RAB30: variants seen among roughly 807,000 people sequenced by gnomAD.
The protein encoded by RAB30 is RAB30, member RAS oncogene family.
Under a neutral mutation model 25.1 loss-of-function variants are expected in RAB30, and 9 were observed. The ratio of observed to expected loss-of-function variants is 0.36; its 90% confidence interval spans 0.22 to 0.63. The LOEUF (loss-of-function observed/expected upper bound fraction) is 0.63. Among genes scored for constraint, RAB30 ranks in the 20% least tolerant of loss-of-function variants. The probability of loss-of-function intolerance (pLI) is 0.69; values close to 1 mark genes in which losing one functional copy is unlikely to be tolerated. For synonymous variants in RAB30, 77 were observed against 86.4 expected, an observed-to-expected ratio of 0.89 and a Z score of 0.60; for missense variants, 140 against 243.5, an observed-to-expected ratio of 0.58 and a Z score of 2.83.
chr11:83,028,429 A>C (rs1235944993), intron 1 of RAB30, among the ~76,000 whole-genome samples: 1 of 152,170 alleles, frequency 6.6e-6, no homozygotes, highest in African/African-American at 2.4e-5. Flanking sequence ...AATATATTCA[A>C]TAAAATTTCA....
chr11:82,983,671 C>T (rs900360061), intron 4 of RAB30, among the ~76,000 whole-genome samples: 1 of 151,868 alleles, frequency 6.6e-6, no homozygotes, highest in African/African-American at 2.4e-5. Context: ...TGAGCTTAAG[C>T]GATCCACCTG....
intron 1 of RAB30, among the ~76,000 whole-genome samples, chr11:83,001,820 C>T (rs7120788): frequency 0.016 from 2,481 of 152,212 alleles, 82 homozygotes; most frequent in African/African-American, 0.057. Flanking sequence ...GGAGTAGACA[C>T]GCCACAAGAT....
At position 82,988,788 on chromosome 11, in the gene RAB30, T is replaced by C. The variant is rs971653361; in HGVS notation, c.178-1018A>G. ...CAACAAAAACAATAATCTTTCCTTC[T>C]AATTGCACGAATTTCACAGGTCACA... On this transcript the variant is annotated intron_variant, in intron 3 of 4. Coordinates refer to ENST00000527633, the MANE Select transcript of RAB30 (RefSeq NM_001286060.2). 5.1e-4 allele frequency among the ~76,000 whole-genome samples: 78 copies of C among 152,160 alleles called. 1 individual carries two copies. Among genetic ancestry groups the C allele is most frequent in the Non-Finnish European group, 1.1e-3 (72 of 68,024 alleles).
chr11:82,988,177 T>C (rs993642494), intron 3 of RAB30, among the ~76,000 whole-genome samples: 1 of 152,222 alleles, frequency 6.6e-6, no homozygotes, highest in Non-Finnish European at 1.5e-5. Flanking sequence ...TACCCATTTC[T>C]TGCATGAATA....
At chr11:83,022,773 CT>C (rs1380825822) in intron 1 of RAB30, among the ~76,000 whole-genome samples, 1 of 152,026 alleles carries the variant, frequency 6.6e-6, no homozygotes, top group African/African-American at 2.4e-5. Flanking sequence ...AAAATACCCC[CT>C]GGTCACAACT....
intron 4 of RAB30, among the ~76,000 whole-genome samples, chr11:82,984,488 C>G (rs138654626): frequency 2.0e-5 from 3 of 152,070 alleles, no homozygotes; most frequent in Non-Finnish European, 4.4e-5. Flanking sequence ...AGAGGGTTGC[C>G]GGATGCTGAT....
rs1483443417 is a variant in RAB30, at chr11:82,977,337, G to T, written c.*4828C>A. On this transcript the variant is annotated 3_prime_UTR_variant, in exon 5 of 5. Coordinates refer to ENST00000527633, the MANE Select transcript of RAB30 (RefSeq NM_001286060.2). ...ATAAAGGTGGGATGCACTTGTGGCA[G>T]AAGAACGAGGCCCCATTAAAAAAAT... 15 of 152,174 alleles carry T rather than the reference G, an allele frequency of 9.9e-5. No homozygotes were observed. Among genetic ancestry groups the T allele is most frequent in the Admixed American group, 9.2e-4 (14 of 15,270 alleles). The allele number at this position is 152,174 out of a possible 1,614,324, so 9.4% of individuals were successfully genotyped here. A position where few individuals can be genotyped will look rare whatever the true frequency, so the allele number is the denominator to read the frequency against.
intron 3 of RAB30, among the ~76,000 whole-genome samples, chr11:82,989,487 C>T (rs1052745305): frequency 6.6e-6 from 1 of 151,840 alleles, no homozygotes; most frequent in Non-Finnish European, 1.5e-5. Flanking sequence ...ACAGATGTTA[C>T]GGTTTTTGCT....
At position 83,007,136 on chromosome 11, in the gene RAB30, A is replaced by T. The variant is rs566745879; in HGVS notation, c.-8-9812T>A. On this transcript the variant is annotated intron_variant, in intron 1 of 4. Transcript: ENST00000527633. Reference sequence around the variant, plus strand: ...GCCTCAGGCCACGCAGCATGTAAGCAACAGAGCCAGAAGAGCAAACACAGG... The same window carrying T: ...GCCTCAGGCCACGCAGCATGTAAGCTACAGAGCCAGAAGAGCAAACACAGG... Among the ~76,000 whole-genome samples, 5 of 152,346 alleles carry T rather than the reference A, an allele frequency of 3.3e-5. No individual in the cohort carries two copies. The South Asian group carries it at 8.3e-4, about 25-fold the overall frequency.
rs117784105 is a variant in RAB30, at chr11:83,045,349, T to C, written c.-9+26342A>G. On this transcript the variant is annotated intron_variant, in intron 1 of 4. Transcript: ENST00000527633. Reference sequence around the variant, plus strand: ...TCTTGCCATCTTGCCCAAGCTGGTCTCGAACTCCTGAGCTAAAACGACCCT... The same window carrying C: ...TCTTGCCATCTTGCCCAAGCTGGTCCCGAACTCCTGAGCTAAAACGACCCT... Among the ~76,000 whole-genome samples, 1,294 of 152,252 alleles carry C rather than the reference T, an allele frequency of 8.5e-3. 33 individuals are homozygous for C. The East Asian group carries it at 0.096, about 11-fold the overall frequency.
At chr11:83,008,045 C>T (rs1857223280) in intron 1 of RAB30, among the ~76,000 whole-genome samples, 1 of 152,188 alleles carries the variant, frequency 6.6e-6, no homozygotes, top group African/African-American at 2.4e-5. Context: ...AATCAGGGAC[C>T]GTGTCTAATC....
At chr11:83,035,258 C>A (rs1857962474) in intron 1 of RAB30, 1 of 152,138 alleles carries the variant, frequency 6.6e-6, no homozygotes, top group Non-Finnish European at 1.5e-5. Flanking sequence ...CCTAGATCAT[C>A]ATGCCAAGCA....
intron 1 of RAB30, among the ~76,000 whole-genome samples, chr11:83,008,662 C>T (rs750540253): frequency 6.6e-6 from 1 of 152,088 alleles, no homozygotes. Context: ...CAAATTTTCC[C>T]TCAGCAGGGA....
chr11:83,068,063 G>A (rs978250105), intron 1 of RAB30, among the ~76,000 whole-genome samples: 6 of 150,636 alleles, frequency 4.0e-5, no homozygotes, highest in African/African-American at 1.5e-4. Flanking sequence ...GATGGAGGCT[G>A]CAGTGAGCTG....
At chr11:82,987,938 T>C (rs1292925319) in intron 3 of RAB30, among the ~76,000 whole-genome samples, 168 bp from the exon 4 acceptor site, 1 of 98,950 alleles carries the variant, frequency 1.0e-5, no homozygotes, top group Non-Finnish European at 2.0e-5. Flanking sequence ...AAAAAAGCAC[T>C]GAAAATTAAA....
chr11:83,034,323 GCTGCTAAGTCCAACTGCGGTTCAGGC>G (rs1381742070), intron 1 of RAB30: 1 of 152,182 alleles, frequency 6.6e-6, no homozygotes, highest in African/African-American at 2.4e-5. Flanking sequence ...AAAACCCCTG[GCTGCTAAGTCCAACTGCGGTTCAGGC>G]CTGCCAGCCC....
rs755524756 is a variant in RAB30 at position 83,040,034 on chromosome 11, T to C, written c.-9+31657A>G. 3.3e-5 allele frequency among the ~76,000 whole-genome samples: 5 copies of C among 151,758 alleles called. No homozygotes were observed. The East Asian group carries it at 7.7e-4, about 24-fold the overall frequency. On this transcript the variant is annotated intron_variant, in intron 1 of 4. Coordinates refer to ENST00000527633, the MANE Select transcript of RAB30 (RefSeq NM_001286060.2). ...CAAGACTGTTAATAAGAGTATAAGG[T>C]GAGGAGCAGGAGCCAAAAGAAAAGG...
chr11:83,069,590 G>T (rs1278154328), intron 1 of RAB30, among the ~76,000 whole-genome samples: 4 of 151,928 alleles, frequency 2.6e-5, no homozygotes, highest in African/African-American at 4.8e-5. Context: ...AAAGAGGGGG[G>T]AAAGATCAGC....
At chr11:82,998,842 G>A (rs34652385) in intron 1 of RAB30, among the ~76,000 whole-genome samples, 5,606 of 152,292 alleles carry the variant, frequency 0.037, 157 homozygotes, top group Admixed American at 0.094. Flanking sequence ...AGCTCATGAG[G>A]GGAAGGGTGC....
Sources: gnomAD v4.1 joint callset for allele counts (sites outside exome capture counted in the v4.1 genomes callset) on GRCh38, gnomAD v4.1.1 for gene constraint, MANE v1.5 for transcripts, NCBI Gene and HGNC (gene_info 2026-07-23, HGNC 2026-07-21) for gene names.